DEPTOR: variants seen among roughly 807,000 people sequenced by gnomAD.
DEPTOR encodes the protein DEP domain containing MTOR interacting protein, also known as DEP domain-containing mTOR-interacting protein.
DEPTOR carries 41 observed loss-of-function variants against 41.6 expected under a neutral mutation model. That is an observed-to-expected ratio of 0.98 (90% CI 0.77 to 1.28). DEPTOR has a LOEUF of 1.28. Among genes scored for constraint, DEPTOR ranks in the 50% most tolerant of loss-of-function variants. The probability of loss-of-function intolerance (pLI) is 0.00; values close to 1 mark genes in which losing one functional copy is unlikely to be tolerated. For synonymous variants in DEPTOR, 195 were observed against 192.3 expected (o/e 1.01, Z -0.12); for missense variants, 514 against 527.9 (o/e 0.97, Z 0.26).
At chr8:119,950,626 T>G (rs1359206863) in intron 3 of DEPTOR, among the ~76,000 whole-genome samples, 1 of 152,014 alleles carries the variant, frequency 6.6e-6, no homozygotes, top group Non-Finnish European at 1.5e-5. Flanking sequence ...AGATGGAATC[T>G]CTCTCTGTCA....
chr8:119,979,949 T>G (rs894230201), intron 4 of DEPTOR, among the ~76,000 whole-genome samples: 3 of 152,122 alleles, frequency 2.0e-5, no homozygotes, highest in Non-Finnish European at 4.4e-5. Context: ...GGAAAAACTC[T>G]TGATCATTTG....
intron 3 of DEPTOR, among the ~76,000 whole-genome samples, chr8:119,964,742 G>T (rs555144006): frequency 4.7e-5 from 7 of 150,504 alleles, no homozygotes; most frequent in Non-Finnish European, 1.0e-4. Flanking sequence ...TTTTTTTTTT[G>T]AAATTACTAG....
Position 120,049,663 on chromosome 8 carries a change from C to T in DEPTOR, c.1189C>T (p.Arg397Trp), listed in dbSNP as rs755957004. The T allele has an allele frequency of 1.1e-5, 18 of 1,613,816 alleles. No individual in the cohort carries two copies. The highest frequency in any genetic ancestry group is 3.3e-5 in the Admixed American group (2 of 59,970). The stretch of plus-strand genomic sequence containing the variant: ...GAGCAATCTGATTCTGACGGGCCCA[C>T]GGACGATTGTCATGGAAGTCATGGA... Reference protein sequence around the residue: ...TVSNLILTGPRTIVMEVMEEL... With the variant: ...TVSNLILTGPWTIVMEVMEEL... The change falls in exon 9 of 9, where the codon CGG becomes TGG. Residue 397 changes from arginine (R) to tryptophan (W), a missense_variant. By Grantham distance (101) the Arg-to-Trp change is moderately radical. Transcript: ENST00000286234.
chr8:120,001,684 A>G lies in DEPTOR; in HGVS notation c.764A>G (p.Asn255Ser). 1.2e-6 allele frequency: 2 copies of G among 1,613,040 alleles called. No individual in the cohort carries two copies. Among genetic ancestry groups the G allele is most frequent in the Non-Finnish European group, 1.7e-6 (2 of 1,179,582 alleles). The change falls in exon 5 of 9, where the codon AAT becomes AGT. Residue 255 changes from asparagine to serine, a missense_variant. Coordinates refer to ENST00000286234, the MANE Select transcript of DEPTOR (RefSeq NM_022783.4). The stretch of plus-strand genomic sequence containing the variant: ...TGCCTGAGGAAGCAGAGCCATGACA[A>G]TCGGAAATCTACCAGCTTTATGTCA... ...PFCLRKQSHD[N>S]RKSTSFMSVS...
chr8:119,922,432 C>T (rs560823340), intron 1 of DEPTOR, among the ~76,000 whole-genome samples: 150 of 152,220 alleles, frequency 9.9e-4, no homozygotes, highest in African/African-American at 3.6e-3. Context: ...ACAGACATCA[C>T]ATCTAAGAAT....
At chr8:119,925,589 T>A (rs1827954254) in intron 1 of DEPTOR, among the ~76,000 whole-genome samples, 1 of 152,056 alleles carries the variant, frequency 6.6e-6, no homozygotes, top group Admixed American at 6.6e-5. Context: ...GGGGACACAG[T>A]CAAACCATAT....
chr8:119,985,148 G>A (rs750730110), intron 4 of DEPTOR, among the ~76,000 whole-genome samples: 26 of 152,100 alleles, frequency 1.7e-4, no homozygotes, highest in Non-Finnish European at 3.1e-4. Context: ...ACTTCAACCC[G>A]GGCAACAGCA....
At chr8:119,903,660 C>T (rs1827623996) in intron 1 of DEPTOR, among the ~76,000 whole-genome samples, 1 of 152,116 alleles carries the variant, frequency 6.6e-6, no homozygotes, top group South Asian at 2.1e-4. Flanking sequence ...GTCATGTCAA[C>T]TATGAGAGTA....
At chr8:119,941,210 C>T (rs1828198597) in intron 3 of DEPTOR, among the ~76,000 whole-genome samples, 1 of 151,578 alleles carries the variant, frequency 6.6e-6, no homozygotes, top group African/African-American at 2.4e-5. Context: ...CCCATCTCTA[C>T]TAAATACAAA....
intron 8 of DEPTOR, among the ~76,000 whole-genome samples, chr8:120,026,984 C>T (rs1376220697): frequency 6.6e-6 from 1 of 151,930 alleles, no homozygotes; most frequent in African/African-American, 2.4e-5. Flanking sequence ...TTTGGGAGAC[C>T]GAGGTGGGTG....
Position 120,009,151 on chromosome 8 carries a change from T to C in DEPTOR, c.1101+18T>C, listed in dbSNP as rs1478031004. On this transcript the variant is annotated intron_variant, in intron 8 of 8. Coordinates refer to ENST00000286234, the MANE Select transcript of DEPTOR (RefSeq NM_022783.4). ...GAATGAAGGTACTAACGGGTCTTTC[T>C]CACCCTCTTTTATATCTGTCTTGGG... is the stretch of plus-strand genomic sequence containing the variant. The C allele has an allele frequency of 3.7e-6, 6 of 1,606,774 alleles. No individual in the cohort carries two copies. Among genetic ancestry groups the C allele is most frequent in the Non-Finnish European group, 1.7e-6 (2 of 1,175,120 alleles).
chr8:119,894,833 T>G (rs1827496040), intron 1 of DEPTOR, among the ~76,000 whole-genome samples: 1 of 152,216 alleles, frequency 6.6e-6, no homozygotes, highest in South Asian at 2.1e-4. Context: ...AAGACAATAC[T>G]TATTTATAAC....
intron 8 of DEPTOR, among the ~76,000 whole-genome samples, chr8:120,031,785 G>T (rs1812896309): frequency 6.6e-6 from 1 of 152,146 alleles, no homozygotes; most frequent in African/African-American, 2.4e-5. Context: ...GAGCTCTCTT[G>T]TCTCCTCAGC....
At chr8:120,034,640 G>T (rs1037901133) in intron 8 of DEPTOR, among the ~76,000 whole-genome samples, 21 of 151,350 alleles carry the variant, frequency 1.4e-4, no homozygotes, top group African/African-American at 5.1e-4. Flanking sequence ...AGTAGAAATG[G>T]GGTTTCTCCA....
rs527990115 is a variant in DEPTOR at position 119,956,711 on chromosome 8, A to G, written c.426-8521A>G. On this transcript the variant is annotated intron_variant, in intron 3 of 8. Transcript: ENST00000286234. ...GTCTCCTTTTTTTTTTTTTTTTTTA[A>G]GAGACAGGGTTTTTTGTTTTTTTTT... 3.1e-3 allele frequency among the ~76,000 whole-genome samples: 443 copies of G among 144,246 alleles called. 2 individuals carry two copies. Among genetic ancestry groups the G allele is most frequent in the African/African-American group, 9.9e-3 (385 of 39,042 alleles). 94.6% of individuals were successfully genotyped at this position (144,246 alleles called of 152,430 possible). A position where few individuals can be genotyped will look rare whatever the true frequency, so the allele number is the denominator to read the frequency against.
chr8:119,905,395 T>C (rs979208365), intron 1 of DEPTOR, among the ~76,000 whole-genome samples: 2 of 151,710 alleles, frequency 1.3e-5, no homozygotes, highest in African/African-American at 2.4e-5. Context: ...GACAGCTGAG[T>C]GAGGTTTGAA....
chr8:119,976,592 C>T (rs1828698742), intron 4 of DEPTOR, among the ~76,000 whole-genome samples: 1 of 152,090 alleles, frequency 6.6e-6, no homozygotes, highest in South Asian at 2.1e-4. Context: ...AACAAGGCTA[C>T]CTGAAGAAGA....
At chr8:119,927,661 T>G (rs1192750684) in intron 1 of DEPTOR, among the ~76,000 whole-genome samples, 9 of 150,838 alleles carry the variant, frequency 6.0e-5, no homozygotes, top group Admixed American at 6.0e-4. Context: ...TAGGCTGGAG[T>G]GCAATGGCAC....
At chr8:119,913,176 C>T (rs1399424155) in intron 1 of DEPTOR, among the ~76,000 whole-genome samples, 1 of 152,188 alleles carries the variant, frequency 6.6e-6, no homozygotes, top group Non-Finnish European at 1.5e-5. Context: ...CTGCCTCGGC[C>T]TCCCAAAGTG....
Sources: allele counts gnomAD v4.1 joint callset (sites outside exome capture counted in the v4.1 genomes callset), GRCh38; gene constraint gnomAD v4.1.1; transcripts MANE v1.5; gene names NCBI Gene and HGNC (gene_info 2026-07-23, HGNC 2026-07-21).